Variants in RPS6KA2 observed in about 807,000 individuals in gnomAD.
The protein encoded by RPS6KA2 is ribosomal protein S6 kinase alpha-2.
In RPS6KA2, 42 loss-of-function variants were observed where a neutral mutation model predicts 91.8. The ratio of observed to expected loss-of-function variants is 0.46; its 90% CI spans 0.36 to 0.59. The LOEUF is 0.59. Ranked by LOEUF, RPS6KA2 falls within the 20% of genes least tolerant of loss-of-function variation. The probability of loss-of-function intolerance (pLI) is 0.00; values close to 1 mark genes in which losing one functional copy is unlikely to be tolerated. For synonymous variants in RPS6KA2, 414 were observed against 393.6 expected, an observed-to-expected ratio of 1.05 and a Z score of -0.61; for missense variants, 798 against 978.5, an observed-to-expected ratio of 0.82 and a Z score of 2.46.
intron 19 of RPS6KA2, among the ~76,000 whole-genome samples, chr6:166,416,529 C>G (rs908179275): frequency 1.3e-5 from 2 of 151,828 alleles, no homozygotes; most frequent in African/African-American, 4.8e-5. Context: ...TTTGCCATCC[C>G]TTCATCACCT....
At chr6:166,630,053 G>A (rs78674852), upstream of RPS6KA2, among the ~76,000 whole-genome samples, 6 of 152,324 alleles carry the variant, frequency 3.9e-5, no homozygotes, top group East Asian at 1.2e-3. Flanking sequence ...GCGAAGTCAA[G>A]GAGGAGATGG....
At chr6:166,502,749 A>C (rs1782068837) in intron 6 of RPS6KA2, among the ~76,000 whole-genome samples, 1 of 152,240 alleles carries the variant, frequency 6.6e-6, no homozygotes, top group Non-Finnish European at 1.5e-5. Flanking sequence ...GGGGACTCCC[A>C]GGGCTCAGAG....
At chr6:166,735,112 G>T (rs966528919) in intron 2 of RPS6KA2, among the ~76,000 whole-genome samples, 1 of 152,192 alleles carries the variant, frequency 6.6e-6, no homozygotes, top group Non-Finnish European at 1.5e-5. Flanking sequence ...GGCCCTAAGC[G>T]TGTCCATGCT....
rs1583150145 is a variant in RPS6KA2, at chr6:166,450,074, TCATGGGTACCACCG to T, written c.1206+1015_1206+1028del. Among the ~76,000 whole-genome samples the T allele has an allele frequency of 2.5e-3, 193 of 77,200 alleles. No individual in the cohort carries two copies. In the Middle Eastern group the frequency reaches 0.043, roughly 17 times the overall value. 50.6% of individuals were successfully genotyped at this position (77,200 alleles called of 152,430 possible). A position where few individuals can be genotyped will look rare whatever the true frequency, so the allele number is the denominator to read the frequency against. On this transcript the variant is annotated intron_variant, in intron 13 of 20. Coordinates refer to ENST00000265678, the MANE Select transcript of RPS6KA2 (RefSeq NM_021135.6). ...CCACAGGGACCACCGTAGGAGACCA[TCATGGGTACCACCG>T]GGGAACCACCATGGGGACCAACATG... is the stretch of plus-strand genomic sequence containing the variant.
intron 2 of RPS6KA2, among the ~76,000 whole-genome samples, chr6:166,638,349 A>G (rs954743916): frequency 2.0e-5 from 3 of 152,240 alleles, no homozygotes; most frequent in African/African-American, 7.2e-5. Flanking sequence ...GAGAGCAGTG[A>G]ATGTCAGATT....
At position 166,435,188 on chromosome 6, in the gene RPS6KA2, T is replaced by A. The variant is rs555472327; in HGVS notation, c.1333-2698A>T. Among the ~76,000 whole-genome samples the A allele has an allele frequency of 6.6e-6, 1 of 152,338 alleles. No individual in the cohort carries two copies. The highest frequency in any genetic ancestry group is 2.4e-5 in the African/African-American group (1 of 41,574). On this transcript the variant is annotated intron_variant, in intron 14 of 20. Transcript: ENST00000265678. This position sits in a 1 kb window ranked among gnomAD's most constrained non-coding sequence, Gnocchi z 4.3. Reference sequence around the variant, plus strand: ...CTGCCCTCTCAACCCTAGTATCTATTTTATTTCTATGTGTTCTTTTGTTGT... The same window carrying A: ...CTGCCCTCTCAACCCTAGTATCTATATTATTTCTATGTGTTCTTTTGTTGT...
chr6:166,433,015 A>T lies in RPS6KA2; in HGVS notation c.1333-525T>A, dbSNP rs766850081. On this transcript the variant is annotated intron_variant, in intron 14 of 20. Transcript: ENST00000265678. This position sits in a 1 kb window ranked among gnomAD's most constrained non-coding sequence, Gnocchi z 4.4. ...GTCTCAAAAAAAAAAAAAAAAAAGGAGTACAAGACTTCAGACATGAATTTT... is the reference window on the plus strand; with the variant it reads ...GTCTCAAAAAAAAAAAAAAAAAAGGTGTACAAGACTTCAGACATGAATTTT... Among the ~76,000 whole-genome samples, 2 of 143,576 alleles carry T rather than the reference A, an allele frequency of 1.4e-5. No homozygotes were observed. Among genetic ancestry groups the T allele is most frequent in the East Asian group, 4.2e-4 (2 of 4,726 alleles). The allele number at this position is 143,576 out of a possible 152,430, so 94.2% of individuals were successfully genotyped here.
chr6:166,860,419 T>C (rs1320387100), intron 1 of RPS6KA2, among the ~76,000 whole-genome samples: 1 of 152,212 alleles, frequency 6.6e-6, no homozygotes, highest in Non-Finnish European at 1.5e-5. Context: ...TCCAAATTCT[T>C]GCCACTTGCA....
intron 2 of RPS6KA2, among the ~76,000 whole-genome samples, chr6:166,651,686 AG>A (rs1787859177): frequency 6.6e-6 from 1 of 152,264 alleles, no homozygotes; most frequent in Non-Finnish European, 1.5e-5. Flanking sequence ...TAAAGAGGAC[AG>A]CAGCCCTTAC....
At chr6:166,751,011 T>A (rs977821683) in intron 2 of RPS6KA2, among the ~76,000 whole-genome samples, 1 of 152,122 alleles carries the variant, frequency 6.6e-6, no homozygotes, top group African/African-American at 2.4e-5. Context: ...GAAGTGTGCT[T>A]TTGTGACCGA....
chr6:166,779,388 G>T (rs1428930240), intron 2 of RPS6KA2, among the ~76,000 whole-genome samples: 2 of 152,196 alleles, frequency 1.3e-5, no homozygotes, highest in Non-Finnish European at 2.9e-5. Flanking sequence ...CAAAATTCCT[G>T]TGTTGAAGCC....
intron 2 of RPS6KA2, among the ~76,000 whole-genome samples, chr6:166,823,434 AGTGT>A (rs56187218): frequency 0.078 from 11,575 of 147,946 alleles, 484 homozygotes; most frequent in African/African-American, 0.11. Context: ...TTGGTTTTGC[AGTGT>A]GTGTGTGTGT....
At chr6:166,670,831 T>G (rs1788451643) in intron 2 of RPS6KA2, among the ~76,000 whole-genome samples, 1 of 152,218 alleles carries the variant, frequency 6.6e-6, no homozygotes, top group African/African-American at 2.4e-5. Flanking sequence ...TATTTATTTA[T>G]TTATTTTTAG....
At chr6:166,803,890 T>G (rs707765) in intron 2 of RPS6KA2, among the ~76,000 whole-genome samples, 1 of 152,078 alleles carries the variant, frequency 6.6e-6, no homozygotes, top group Non-Finnish European at 1.5e-5. Context: ...TGAAAATTGC[T>G]TTTAAAATGT....
intron 2 of RPS6KA2, among the ~76,000 whole-genome samples, chr6:166,707,215 G>C (rs764506623): frequency 3.0e-4 from 46 of 152,238 alleles, no homozygotes; most frequent in Non-Finnish European, 5.7e-4. Flanking sequence ...TTGCCGGGAA[G>C]GGGGCAGCTC....
At chr6:166,818,772 G>T (rs910834960) in intron 2 of RPS6KA2, among the ~76,000 whole-genome samples, 1 of 152,086 alleles carries the variant, frequency 6.6e-6, no homozygotes, top group African/African-American at 2.4e-5. Flanking sequence ...CGAGTATGCC[G>T]TTTTTAAAAA....
chr6:166,699,619 G>GC (rs948626061), intron 2 of RPS6KA2, among the ~76,000 whole-genome samples: 39 of 152,172 alleles, frequency 2.6e-4, no homozygotes, highest in African/African-American at 9.4e-4. Flanking sequence ...TCAGAGAGCA[G>GC]CATGGCCTTG....
intron 20 of RPS6KA2, among the ~76,000 whole-genome samples, chr6:166,413,532 A>G (rs2235296): frequency 0.69 from 105,281 of 152,028 alleles, 36,750 homozygotes; most frequent in South Asian, 0.84. Context: ...GGCCTAGAAT[A>G]GAGGCTTTGA....
At chr6:166,757,510 T>C (rs2128601720) in intron 2 of RPS6KA2, 2 of 456,148 alleles carry the variant, frequency 4.4e-6, no homozygotes, top group South Asian at 3.1e-5. Context: ...CCCCATTTCC[T>C]GCGAGCCCTC....
Sources: gnomAD v4.1 joint callset for allele counts (sites outside exome capture counted in the v4.1 genomes callset) on GRCh38, gnomAD v4.1.1 for gene constraint, Gnocchi (gnomAD v3.1) non-coding constraint, MANE v1.5 for transcripts, NCBI Gene and HGNC (gene_info 2026-07-23, HGNC 2026-07-21) for gene names.